Variants in MTX3 observed in about 807,000 individuals in gnomAD.
MTX3 encodes the protein metaxin-3.
MTX3 carries 27 observed loss-of-function variants against 42.5 expected under a neutral mutation model. The observed-to-expected ratio is 0.64, with a 90% CI of 0.47 to 0.88. The LOEUF is 0.88. Ranked by LOEUF, MTX3 falls within the 40% of genes least tolerant of loss-of-function variation. MTX3 has a pLI of 0.00. For synonymous variants in MTX3, 144 were observed against 132.9 expected, an observed-to-expected ratio of 1.08 and a Z score of -0.57; for missense variants, 378 against 367.0, an observed-to-expected ratio of 1.03 and a Z score of -0.25.
intron 1 of MTX3, 104 bp from the exon 2 acceptor site, chr5:79,990,767 G>A (rs1333602172): frequency 1.2e-6 from 1 of 848,126 alleles, no homozygotes. Flanking sequence ...GAAGGCGACT[G>A]ATACTGAGGC....
chr5:79,987,287 A>T (rs10066471), intron 6 of MTX3, among the ~76,000 whole-genome samples, 180 bp from the exon 7 acceptor site: 91,544 of 151,570 alleles, frequency 0.6, 27,804 homozygotes, highest in South Asian at 0.66. Flanking sequence ...CTAAAAATAC[A>T]AAAGAAGTCG....
In MTX3 at chr5:79,988,574, G is replaced by C. The variant is rs777938706; in HGVS notation, c.392C>G (p.Pro131Arg). 1 of 1,607,932 alleles carries C rather than the reference G, an allele frequency of 6.2e-7. No homozygotes were observed. The highest frequency in any genetic ancestry group is 8.5e-7 in the Non-Finnish European group (1 of 1,177,060). ...VTKPWFASQI[P>R]FPLSLILPGR... Reference sequence around the variant, plus strand: ...AGGCAGGATCAAACTCAAAGGAAAAGGAATTTGTGAAGCAAACCATGGCTT... The same window carrying C: ...AGGCAGGATCAAACTCAAAGGAAAACGAATTTGTGAAGCAAACCATGGCTT... The change falls in exon 5 of 9, where the codon CCT (proline) becomes CGT (arginine). Residue 131 changes from proline (P) to arginine (R), a missense_variant. Transcript: ENST00000512528.
At chr5:79,990,782 T>TC (rs1162045562) in intron 1 of MTX3, 119 bp from the exon 2 acceptor site, 2 of 797,586 alleles carry the variant, frequency 2.5e-6, no homozygotes, top group East Asian at 5.3e-5. Context: ...TGAGGCCGCA[T>TC]CCCTCCCCGT....
At chr5:79,985,072 C>G (rs1044151742) in intron 8 of MTX3, among the ~76,000 whole-genome samples, 1 of 152,120 alleles carries the variant, frequency 6.6e-6, no homozygotes, top group Non-Finnish European at 1.5e-5. Flanking sequence ...AGCTCCGCCT[C>G]CCGGGTTCAT....
At chr5:79,988,170 T>G (rs1831541095) in intron 6 of MTX3, 69 bp downstream of exon 6, 2 of 896,210 alleles carry the variant, frequency 2.2e-6, no homozygotes, top group Admixed American at 4.5e-5. Flanking sequence ...TAAGAGGACT[T>G]GCTTTAAATA....
intron 2 of MTX3, among the ~76,000 whole-genome samples, 178 bp downstream of exon 2, chr5:79,990,416 C>T (rs959585817): frequency 1.3e-5 from 2 of 152,144 alleles, no homozygotes; most frequent in African/African-American, 4.8e-5. Flanking sequence ...CTCATAATTT[C>T]CAGTGATTTC....
intron 4 of MTX3, among the ~76,000 whole-genome samples, chr5:79,988,891 G>C (rs898207156): frequency 6.6e-6 from 1 of 151,380 alleles, no homozygotes; most frequent in Admixed American, 6.6e-5. Context: ...TTGAATGAAT[G>C]AATTACACCC....
rs754329645 is a variant in MTX3 at position 79,988,529 on chromosome 5, G to T, written c.437C>A (p.Ala146Glu). The change falls in exon 5 of 9, where the codon GCA (alanine) becomes GAA (glutamate). Residue 146 changes from alanine (A) to glutamate (E), a missense_variant. By Grantham distance (107) the Ala-to-Glu change is moderately radical. Transcript: ENST00000512528. The stretch of plus-strand genomic sequence containing the variant: ...TCTGGTCAGGAGAATCCTATTCAGT[G>T]CTCCCTTAGACATTCTTCCAGGCAG... Reference protein sequence around the residue: ...LILPGRMSKGALNRILLTRGQ... With the variant: ...LILPGRMSKGELNRILLTRGQ... The T allele has an allele frequency of 2.5e-6, 4 of 1,612,764 alleles. No homozygotes were observed. Among genetic ancestry groups the T allele is most frequent in the Non-Finnish European group, 3.4e-6 (4 of 1,179,504 alleles).
chr5:79,990,219 T>A lies in MTX3; in HGVS notation c.169A>T (p.Thr57Ser), dbSNP rs371364933. ...TGAGAAACCATGTCGTCTTCAGTTG[T>A]CAAAATTGGTACATCGCCTATAATC... Reference protein sequence around the residue: ...RGSRGDVPILTTEDDMVSQPA... With the variant: ...RGSRGDVPILSTEDDMVSQPA... The change falls in exon 3 of 9, where the codon ACA (threonine) becomes TCA (serine). Residue 57 changes from threonine to serine, a missense_variant. Physicochemically the swap from Thr to Ser is moderately conservative, Grantham distance 58 (BLOSUM62 1). Transcript: ENST00000512528. The A allele has an allele frequency of 1.3e-5, 21 of 1,608,802 alleles. No individual in the cohort carries two copies. Among genetic ancestry groups the A allele is most frequent in the Non-Finnish European group, 1.7e-5 (20 of 1,177,604 alleles).
intron 8 of MTX3, 69 bp from the exon 9 acceptor site, chr5:79,983,863 A>C: frequency 2.1e-6 from 2 of 967,072 alleles, no homozygotes; most frequent in Non-Finnish European, 3.3e-6. Flanking sequence ...TGGCCTCCCC[A>C]TCCAAACTAT....
In MTX3 at chr5:79,989,218, T is replaced by C. The variant is rs1336029669; in HGVS notation, c.255A>G (p.Ser85=). ...CCAATGTATCTGCCCCTTGTTTTGCTGAGAGTTCATAATCAGCATTATATT... is the reference window on the plus strand; with the variant it reads ...CCAATGTATCTGCCCCTTGTTTTGCCGAGAGTTCATAATCAGCATTATATT... ...KQKYNADYEL[S]AKQGADTLAY... is the part of the protein sequence containing the mutation. The change falls in exon 4 of 9, where the codon TCA becomes TCG. Residue 85 remains serine, a synonymous_variant. Transcript: ENST00000512528. 1.2e-6 allele frequency: 2 copies of C among 1,605,192 alleles called. No homozygotes were observed. Among genetic ancestry groups the C allele is most frequent in the Non-Finnish European group, 1.7e-6 (2 of 1,175,526 alleles).
chr5:79,985,379 A>G (rs1831467087), intron 8 of MTX3, among the ~76,000 whole-genome samples, 192 bp downstream of exon 8: 1 of 152,094 alleles, frequency 6.6e-6, no homozygotes, highest in Non-Finnish European at 1.5e-5. Context: ...ATCTTTCCCC[A>G]ATCAGGCCAC....
In MTX3 at chr5:79,989,029, GA is replaced by G. The variant is rs1470057485; in HGVS notation, c.321+122del. 6.5e-6 allele frequency: 4 copies of G among 619,074 alleles called. No individual in the cohort carries two copies. The East Asian group carries it at 8.8e-5, about 14-fold the overall frequency. The allele number at this position is 619,074 out of a possible 1,614,324, so 38.3% of individuals were successfully genotyped here. On this transcript the variant is annotated intron_variant, in intron 4 of 8. Coordinates refer to ENST00000512528, the MANE Select transcript of MTX3 (RefSeq NM_001363818.2). Reference sequence around the variant, plus strand: ...AATCCAGTTTCACAGTAATATGAAGGAATTAAGATTAACATATAAGTAAAAT... The same window carrying G: ...AATCCAGTTTCACAGTAATATGAAGGATTAAGATTAACATATAAGTAAAAT...
chr5:79,986,975 G>C lies in MTX3; in HGVS notation c.714C>G (p.Ser238Arg), dbSNP rs9293796. 0.13 allele frequency: 210,533 copies of C among 1,613,320 alleles called. 14,892 individuals are homozygous for C. The highest frequency in any genetic ancestry group is 0.15 in the Middle Eastern group (895 of 6,058). ...CTCCAAGACTAAGCCTAAAATAACT[G>C]CTCAGGATGTCATCACAAAAGCGAC... ...NLCRFCDDIL[S>R]SYFRLSLGGI... The change falls in exon 7 of 9, where the codon AGC (serine) becomes AGG (arginine). Residue 238 changes from serine to arginine, a missense_variant. Coordinates refer to ENST00000512528, the MANE Select transcript of MTX3 (RefSeq NM_001363818.2).
chr5:79,989,210 T>A lies in MTX3; in HGVS notation c.263A>T (p.Gln88Leu). 1 of 1,607,964 alleles carries A rather than the reference T, an allele frequency of 6.2e-7. No homozygotes were observed. The highest frequency in any genetic ancestry group is 8.5e-7 in the Non-Finnish European group (1 of 1,177,042). Residue 88 changes from glutamine (Q) to leucine (L), a missense_variant, in exon 4 of 9, where the codon CAA (glutamine) becomes CTA (leucine). By Grantham distance (113) the Gln-to-Leu change is moderately radical. Coordinates refer to ENST00000512528, the MANE Select transcript of MTX3 (RefSeq NM_001363818.2). ...AATATAAGCCAATGTATCTGCCCCT[T>A]GTTTTGCTGAGAGTTCATAATCAGC... ...YNADYELSAKQGADTLAYIAL... is the reference protein window; with the variant it reads ...YNADYELSAKLGADTLAYIAL...
In MTX3 at chr5:79,990,722, G is replaced by A. The variant is rs1369962374; in HGVS notation, c.82-59C>T. 7.1e-6 allele frequency: 9 copies of A among 1,261,042 alleles called. 1 individual carries two copies. Among genetic ancestry groups the A allele is most frequent in the Non-Finnish European group, 1.0e-5 (9 of 867,234 alleles). The allele number at this position is 1,261,042 out of a possible 1,614,324, so 78.1% of individuals were successfully genotyped here. A position where few individuals can be genotyped will look rare whatever the true frequency, so the allele number is the denominator to read the frequency against. On this transcript the variant is annotated intron_variant, in intron 1 of 8. Coordinates refer to ENST00000512528, the MANE Select transcript of MTX3 (RefSeq NM_001363818.2). ...CAAGTGCGTAATGCAAAGCTGCAGA[G>A]CAGCTTTACTTCACAGCCCCATCCC...
In MTX3 at chr5:79,981,774, ATTT is replaced by A. The variant is rs1417917726; in HGVS notation, c.*1907_*1909del. 3 of 151,872 alleles carry A rather than the reference ATTT, an allele frequency of 2.0e-5. No homozygotes were observed. The highest frequency in any genetic ancestry group is 4.4e-5 in the Non-Finnish European group (3 of 67,970). The allele number at this position is 151,872 out of a possible 1,614,324, so 9.4% of individuals were successfully genotyped here. A position where few individuals can be genotyped will look rare whatever the true frequency, so the allele number is the denominator to read the frequency against. On this transcript the variant is annotated 3_prime_UTR_variant, in exon 9 of 9. Coordinates refer to ENST00000512528, the MANE Select transcript of MTX3 (RefSeq NM_001363818.2). The stretch of plus-strand genomic sequence containing the variant: ...AATTTTTTTAATTTAAATTTTTAAA[ATTT>A]TTAATTCTTTAAAATTTAAAATTTT...
intron 2 of MTX3, 75 bp from the exon 3 acceptor site, chr5:79,990,311 A>G (rs943167049): frequency 4.0e-5 from 41 of 1,026,122 alleles, no homozygotes; most frequent in Non-Finnish European, 5.4e-5. Flanking sequence ...CCTAAAAACT[A>G]TAGCAGTTGC....
chr5:79,983,731 T>G lies in MTX3; in HGVS notation c.892A>C (p.Thr298Pro). 6.2e-7 allele frequency: 1 copy of G among 1,613,908 alleles called. No individual in the cohort carries two copies. The highest frequency in any genetic ancestry group is 8.5e-7 in the Non-Finnish European group (1 of 1,179,840). ...GAATTATTTTCTTCTTCTGCTGGAG[T>G]CAATTTAAGTGTTGGCAGTTTCCGA... ...PPRKLPTLKL[T>P]PAEEENNSFQ... is the part of the protein sequence containing the mutation. The change falls in exon 9 of 9, where the codon ACT becomes CCT. Residue 298 changes from threonine (T) to proline (P), a missense_variant. Transcript: ENST00000512528.
Sources: gnomAD v4.1 joint callset for allele counts (sites outside exome capture counted in the v4.1 genomes callset) on GRCh38, gnomAD v4.1.1 for gene constraint, MANE v1.5 for transcripts, NCBI Gene and HGNC (gene_info 2026-07-23, HGNC 2026-07-21) for gene names.